Variants in TFDP2 observed in about 807,000 individuals in gnomAD.
TFDP2 encodes transcription factor Dp-2 (E2F dimerization partner 2).
In TFDP2, 17 loss-of-function variants were observed where a neutral mutation model predicts 59.3. The observed-to-expected ratio is 0.29, with a 90% CI of 0.20 to 0.43. TFDP2 has a LOEUF of 0.43. Ranked by LOEUF, TFDP2 falls within the 20% of genes least tolerant of loss-of-function variation. TFDP2 has a pLI of 1.00. For missense variants in TFDP2, 391 were observed against 528.8 expected (o/e 0.74, Z 2.56); for synonymous variants, 180 against 194.7 (o/e 0.92, Z 0.63).
At chr3:142,006,148 A>C (rs1394928593) in intron 3 of TFDP2, among the ~76,000 whole-genome samples, 1 of 152,212 alleles carries the variant, frequency 6.6e-6, no homozygotes, top group Non-Finnish European at 1.5e-5. Flanking sequence ...AGTATTTTAA[A>C]TTTCAAATTA....
intron 9 of TFDP2, among the ~76,000 whole-genome samples, chr3:141,967,461 T>G (rs1938295987): frequency 6.6e-6 from 1 of 151,524 alleles, no homozygotes; most frequent in Non-Finnish European, 1.5e-5. Flanking sequence ...CCTGGCTAAT[T>G]TTTTGTATTT....
In TFDP2 at chr3:142,060,958, A is replaced by G. The variant is rs185984610; in HGVS notation, c.82+32103T>C. On this transcript the variant is annotated intron_variant, in intron 3 of 12. Transcript: ENST00000489671. ...CTCCGTCTACTGAACGATTTTTCAT[A>G]TGAGAACGTCTTTAATTTTTATAGC... Among the ~76,000 whole-genome samples the G allele has an allele frequency of 1.3e-3, 204 of 152,298 alleles. 1 individual carries two copies. Among genetic ancestry groups the G allele is most frequent in the African/African-American group, 4.5e-3 (185 of 41,554 alleles).
In TFDP2 at chr3:142,117,152, C is replaced by G. The variant is rs543509930; in HGVS notation, c.-92-15311G>C. On this transcript the variant is annotated intron_variant, in intron 1 of 12. Coordinates refer to ENST00000489671, the MANE Select transcript of TFDP2 (RefSeq NM_001178139.2). ...GCCAAGCTGGTCTCGAACTCCTGAC[C>G]TCAAGTGATCTGCCCGCCTCCACCT... 7.9e-4 allele frequency among the ~76,000 whole-genome samples: 121 copies of G among 152,234 alleles called. 1 individual carries two copies. Among genetic ancestry groups the G allele is most frequent in the African/African-American group, 2.7e-3 (113 of 41,530 alleles).
At chr3:142,104,366 T>G (rs930902991) in intron 1 of TFDP2, among the ~76,000 whole-genome samples, 5 of 152,220 alleles carry the variant, frequency 3.3e-5, no homozygotes, top group African/African-American at 4.8e-5. Context: ...GTATTGCATT[T>G]TGAAGATTAA....
chr3:141,988,064 G>T lies in TFDP2; in HGVS notation c.356+5474C>A, dbSNP rs1319535365. On this transcript the variant is annotated intron_variant, in intron 6 of 12. Coordinates refer to ENST00000489671, the MANE Select transcript of TFDP2 (RefSeq NM_001178139.2). ...TATACTCAGCGATCCTCCTGCCTCA[G>T]CTTCCCAAATAGCTGGGACTACAGG... Among the ~76,000 whole-genome samples, 4 of 152,130 alleles carry T rather than the reference G, an allele frequency of 2.6e-5. 1 individual carries two copies. The highest frequency in any genetic ancestry group is 9.7e-5 in the African/African-American group (4 of 41,420).
chr3:142,104,296 TA>T (rs1164792552), intron 1 of TFDP2, among the ~76,000 whole-genome samples: 2 of 152,214 alleles, frequency 1.3e-5, no homozygotes, highest in African/African-American at 4.8e-5. Flanking sequence ...AAATTCCTGA[TA>T]TCCCATTCAA....
intron 1 of TFDP2, among the ~76,000 whole-genome samples, chr3:142,138,221 T>C (rs1044436350): frequency 4.6e-4 from 70 of 152,276 alleles, no homozygotes; most frequent in African/African-American, 1.6e-3. Context: ...GGTGGTGATA[T>C]CCCCTTTATC....
At chr3:142,134,528 C>A (rs2062649575) in intron 1 of TFDP2, among the ~76,000 whole-genome samples, 1 of 151,948 alleles carries the variant, frequency 6.6e-6, no homozygotes, top group South Asian at 2.1e-4. Flanking sequence ...CAATGGGAAT[C>A]CTAATAAATA....
intron 6 of TFDP2, among the ~76,000 whole-genome samples, chr3:141,992,572 G>A (rs1395869020): frequency 1.3e-5 from 2 of 152,184 alleles, no homozygotes; most frequent in East Asian, 3.9e-4. Context: ...ACCAGTTTGA[G>A]TTGGAAAGAG....
intron 1 of TFDP2, among the ~76,000 whole-genome samples, chr3:142,142,100 G>A (rs1398203843): frequency 6.6e-6 from 1 of 152,080 alleles, no homozygotes; most frequent in East Asian, 1.9e-4. Context: ...CCTATCTAGA[G>A]CAATCAGACA....
intron 3 of TFDP2, among the ~76,000 whole-genome samples, chr3:142,031,701 A>T (rs996507744): frequency 2.0e-5 from 3 of 152,208 alleles, no homozygotes; most frequent in African/African-American, 7.2e-5. Context: ...GTAGCTGGAC[A>T]TTCTCCTAGG....
chr3:142,071,907 C>T (rs561137683), intron 3 of TFDP2, among the ~76,000 whole-genome samples: 8 of 152,182 alleles, frequency 5.3e-5, no homozygotes, highest in African/African-American at 9.6e-5. Flanking sequence ...AATAGGCTGT[C>T]GGATATACAA....
chr3:141,978,454 A>T (rs1373682171), intron 7 of TFDP2, 66 bp downstream of exon 7: 17 of 1,481,886 alleles, frequency 1.1e-5, no homozygotes, highest in Non-Finnish European at 1.6e-5. Context: ...TCAAATCTAT[A>T]ACAAAGATAA....
At chr3:142,067,236 A>T (rs1007834707) in intron 3 of TFDP2, among the ~76,000 whole-genome samples, 1 of 152,162 alleles carries the variant, frequency 6.6e-6, no homozygotes, top group Non-Finnish European at 1.5e-5. Context: ...TCTTACAATC[A>T]AAAACTCTCC....
At chr3:141,958,591 T>TA (rs1363865879) in intron 11 of TFDP2, among the ~76,000 whole-genome samples, 1 of 152,110 alleles carries the variant, frequency 6.6e-6, no homozygotes, top group East Asian at 1.9e-4. Context: ...ACTGGAACAG[T>TA]AATGTGCTTT....
intron 7 of TFDP2, among the ~76,000 whole-genome samples, chr3:141,977,469 T>C (rs1360779664): frequency 6.6e-6 from 1 of 151,780 alleles, no homozygotes; most frequent in Non-Finnish European, 1.5e-5. Flanking sequence ...CTTGCCATTT[T>C]TGGTCCCAGC....
In TFDP2 at chr3:141,948,332, A is replaced by T. The variant is rs1935479141; in HGVS notation, c.*4181T>A. 1 of 151,972 alleles carries T rather than the reference A, an allele frequency of 6.6e-6. No homozygotes were observed. The highest frequency in any genetic ancestry group is 2.4e-5 in the African/African-American group (1 of 41,366). The allele number at this position is 151,972 out of a possible 1,614,324, so 9.4% of individuals were successfully genotyped here. Reference sequence around the variant, plus strand: ...TGAGGTGGGCAGATCACCTGAGGTCAGGAGTTCGACACCAGCCTGGGCAAC... The same window carrying T: ...TGAGGTGGGCAGATCACCTGAGGTCTGGAGTTCGACACCAGCCTGGGCAAC... On this transcript the variant is annotated 3_prime_UTR_variant, in exon 13 of 13. Transcript: ENST00000489671.
chr3:141,985,751 G>GA (rs1942032931), intron 6 of TFDP2, among the ~76,000 whole-genome samples: 1 of 151,710 alleles, frequency 6.6e-6, no homozygotes, highest in African/African-American at 2.4e-5. Flanking sequence ...AGTAACACAA[G>GA]AAAAAAATAA....
chr3:142,000,715 T>C (rs761330340), intron 4 of TFDP2, among the ~76,000 whole-genome samples: 20 of 152,194 alleles, frequency 1.3e-4, no homozygotes, highest in Non-Finnish European at 2.9e-5. Flanking sequence ...TCCAACCTGT[T>C]TCCAAAATGC....
Sources: allele counts gnomAD v4.1 joint callset (sites outside exome capture counted in the v4.1 genomes callset), GRCh38; gene constraint gnomAD v4.1.1; transcripts MANE v1.5; gene names NCBI Gene and HGNC (gene_info 2026-07-23, HGNC 2026-07-21).